NHSL1: variants seen among roughly 807,000 people sequenced by gnomAD.
NHSL1 encodes the protein NHS like 1.
Under a neutral mutation model 95.0 loss-of-function variants are expected in NHSL1, and 48 were observed. That is an observed-to-expected ratio of 0.51 (90% CI 0.40 to 0.64). The LOEUF (loss-of-function observed/expected upper bound fraction) is 0.64. Ranked by LOEUF, NHSL1 falls within the 30% of genes least tolerant of loss-of-function variation. NHSL1 has a pLI of 0.00. For missense variants in NHSL1, 1,971 were observed against 2,077.7 expected, an observed-to-expected ratio of 0.95 and a Z score of 1.00; for synonymous variants, 783 against 833.9, an observed-to-expected ratio of 0.94 and a Z score of 1.05.
chr6:138,531,500 C>T (rs1401591453), intron 1 of NHSL1, among the ~76,000 whole-genome samples: 1 of 149,928 alleles, frequency 6.7e-6, no homozygotes, highest in African/African-American at 2.5e-5. Context: ...CTTCATTTGT[C>T]AACCATTTTG....
At chr6:138,502,070 G>A (rs539818768), upstream of NHSL1, among the ~76,000 whole-genome samples, 2 of 152,104 alleles carry the variant, frequency 1.3e-5, no homozygotes, top group South Asian at 4.1e-4. Context: ...CGAGTAAGTG[G>A]TAAACCTGGG....
rs978976533 is a variant in NHSL1 at position 138,431,922 on chromosome 6, G to T, written c.2423C>A (p.Thr808Asn). The T allele has an allele frequency of 1.4e-5, 21 of 1,551,624 alleles. No individual in the cohort carries two copies. The African/African-American group carries it at 2.1e-4, about 15-fold the overall frequency. Residue 808 changes from threonine (T) to asparagine (N), a missense_variant, in exon 6 of 8, where the codon ACT becomes AAT. By Grantham distance (65) the Thr-to-Asn change is moderately conservative (BLOSUM62 0). This residue lies in a region of NHSL1 where 1,602 missense variants were observed against 1,654.5 expected (regional missense o/e 0.97). Transcript: ENST00000343505. This position sits in a 1 kb window ranked among gnomAD's most constrained non-coding sequence, Gnocchi z 4.0. The stretch of plus-strand genomic sequence containing the variant: ...GACATGGCGGACTGGCCCGTTCCCA[G>T]TGGGCACCCCACTGCTGGTTGAACA... Reference protein sequence around the residue: ...GGCSTSSGVPTGNGPVRHVQE... With the variant: ...GGCSTSSGVPNGNGPVRHVQE...
At chr6:138,627,862 C>T (rs919804142) in intron 1 of NHSL1, among the ~76,000 whole-genome samples, 1 of 151,818 alleles carries the variant, frequency 6.6e-6, no homozygotes, top group Non-Finnish European at 1.5e-5. Context: ...GCCTGGGCGA[C>T]AGAACAAGAC....
chr6:138,494,090 A>T (rs761690598), intron 2 of NHSL1, among the ~76,000 whole-genome samples: 2 of 152,236 alleles, frequency 1.3e-5, no homozygotes, highest in Admixed American at 1.3e-4. Context: ...CCATGATCTG[A>T]AATGTCTGCA....
At chr6:138,622,200 A>G (rs1784672652) in intron 1 of NHSL1, among the ~76,000 whole-genome samples, 1 of 152,192 alleles carries the variant, frequency 6.6e-6, no homozygotes, top group African/African-American at 2.4e-5. Context: ...GTGCATAGGT[A>G]AAGATTAACA....
intron 1 of NHSL1, among the ~76,000 whole-genome samples, chr6:138,668,851 T>C (rs1785329026): frequency 6.6e-6 from 1 of 152,112 alleles, no homozygotes; most frequent in South Asian, 2.1e-4. Context: ...CTCAATCTCC[T>C]GACCTTGTGA....
intron 1 of NHSL1, among the ~76,000 whole-genome samples, chr6:138,564,815 G>T (rs931402889): frequency 1.3e-5 from 2 of 152,202 alleles, no homozygotes; most frequent in African/African-American, 4.8e-5. Flanking sequence ...CATCAGCTCT[G>T]CCTGAGGATG....
chr6:138,471,088 G>A (rs1265814652), intron 3 of NHSL1, among the ~76,000 whole-genome samples: 1 of 152,160 alleles, frequency 6.6e-6, no homozygotes, highest in Non-Finnish European at 1.5e-5. Context: ...ACACATCTGG[G>A]AGAGGGCTGC....
At chr6:138,579,549 T>C (rs1277585781) in intron 1 of NHSL1, among the ~76,000 whole-genome samples, 1 of 152,220 alleles carries the variant, frequency 6.6e-6, no homozygotes, top group African/African-American at 2.4e-5. Context: ...TTTTCTTCAT[T>C]TATTAGGACA....
Position 138,432,863 on chromosome 6 carries a change from C to A in NHSL1, c.1482G>T (p.Leu494Phe). 1 of 1,551,538 alleles carries A rather than the reference C, an allele frequency of 6.4e-7. No individual in the cohort carries two copies. Residue 494 changes from leucine to phenylalanine, a missense_variant, in exon 6 of 8, where the codon TTG becomes TTT. Transcript: ENST00000343505. This position sits in a 1 kb window ranked among gnomAD's most constrained non-coding sequence, Gnocchi z 4.4. ...GAGGGACGGCTGAGTCACAGAGGGA[C>A]AACAGTGCGGGTTCACCAGGGGAAT... ...DPHSPGEPALLSLCDSAVPLN... is the reference protein window; with the variant it reads ...DPHSPGEPALFSLCDSAVPLN...
At chr6:138,491,548 T>A (rs1780077954) in intron 2 of NHSL1, among the ~76,000 whole-genome samples, 1 of 152,182 alleles carries the variant, frequency 6.6e-6, no homozygotes, top group South Asian at 2.1e-4. Flanking sequence ...ATCACAGCTA[T>A]CTCCAATGAA....
At chr6:138,531,526 T>TG (rs1336267854) in intron 1 of NHSL1, among the ~76,000 whole-genome samples, 17 of 152,048 alleles carry the variant, frequency 1.1e-4, no homozygotes, top group Admixed American at 3.9e-4. Flanking sequence ...CTCTCTTTTT[T>TG]TTTTTTTCCT....
intron 1 of NHSL1, among the ~76,000 whole-genome samples, chr6:138,632,282 G>C (rs1175232544): frequency 6.6e-6 from 1 of 152,194 alleles, no homozygotes; most frequent in Non-Finnish European, 1.5e-5. Flanking sequence ...CCCATCCAGA[G>C]CCTGGGGAAA....
chr6:138,443,745 G>T (rs568100223), intron 4 of NHSL1, among the ~76,000 whole-genome samples: 1 of 152,200 alleles, frequency 6.6e-6, no homozygotes, highest in Non-Finnish European at 1.5e-5. Flanking sequence ...TGGAAGGATC[G>T]CTTGAGCCTG....
upstream of NHSL1, among the ~76,000 whole-genome samples, chr6:138,504,064 C>T (rs1780829918): frequency 7.3e-6 from 1 of 136,346 alleles, no homozygotes; most frequent in South Asian, 2.3e-4. Context: ...GACCCTATCC[C>T]CCCAAAAATA....
chr6:138,651,400 T>A (rs1452516836), intron 1 of NHSL1, among the ~76,000 whole-genome samples: 1 of 152,238 alleles, frequency 6.6e-6, no homozygotes, highest in Non-Finnish European at 1.5e-5. Flanking sequence ...TATGCAAGCT[T>A]CTTTCATCAA....
intron 1 of NHSL1, among the ~76,000 whole-genome samples, chr6:138,515,840 T>C (rs1402273429): frequency 6.6e-6 from 1 of 152,162 alleles, no homozygotes; most frequent in Non-Finnish European, 1.5e-5. Context: ...AAAACAGATA[T>C]GAAACACATT....
chr6:138,465,591 T>C (rs1290782602), intron 3 of NHSL1, among the ~76,000 whole-genome samples: 1 of 152,254 alleles, frequency 6.6e-6, no homozygotes, highest in Non-Finnish European at 1.5e-5. Flanking sequence ...CAGCAGGTTA[T>C]ATATAATGCT....
chr6:138,567,344 G>A (rs1432938535), intron 1 of NHSL1, among the ~76,000 whole-genome samples: 1 of 152,084 alleles, frequency 6.6e-6, no homozygotes, highest in Non-Finnish European at 1.5e-5. Flanking sequence ...CCCCAGGCTG[G>A]TCTTGAACTC....
Sources: gnomAD v4.1 joint callset for allele counts (sites outside exome capture counted in the v4.1 genomes callset) on GRCh38, gnomAD v4.1.1 for gene constraint, gnomAD v4.1.1 regional missense constraint, Gnocchi (gnomAD v3.1) non-coding constraint, MANE v1.5 for transcripts, NCBI Gene and HGNC (gene_info 2026-07-23, HGNC 2026-07-21) for gene names.